The following SEL1L variants were observed in gnomAD, a reference collection of about 807,000 sequenced individuals.
SEL1L encodes SEL1L adaptor subunit of SYVN1 ubiquitin ligase.
In SEL1L, 52 loss-of-function variants were observed where a neutral mutation model predicts 109.8. The observed-to-expected ratio is 0.47, with a 90% confidence interval of 0.38 to 0.60. The LOEUF (loss-of-function observed/expected upper bound fraction) is 0.60. Among genes scored for constraint, SEL1L ranks in the 20% least tolerant of loss-of-function variants. The pLI is 0.00. For synonymous variants in SEL1L, 373 were observed against 339.6 expected (o/e 1.10, Z -1.08); for missense variants, 749 against 962.2 (o/e 0.78, Z 2.93).
At chr14:81,527,553 A>G in intron 2 of SEL1L, 148 bp downstream of exon 2, 1 of 525,704 alleles carries the variant, frequency 1.9e-6, no homozygotes, top group Non-Finnish European at 3.3e-6. Context: ...GAAAAACTAG[A>G]ACTAATACTA....
chr14:81,493,848 AG>A (rs1389883829), intron 11 of SEL1L, among the ~76,000 whole-genome samples: 1 of 152,212 alleles, frequency 6.6e-6, no homozygotes, highest in Non-Finnish European at 1.5e-5. Context: ...ACAGACTCTT[AG>A]CTTGGCTAAC....
At chr14:81,503,464 C>G (rs935339545) in intron 5 of SEL1L, among the ~76,000 whole-genome samples, 1 of 152,052 alleles carries the variant, frequency 6.6e-6, no homozygotes, top group Non-Finnish European at 1.5e-5. Flanking sequence ...CTCAGCCTCC[C>G]AAGTAGCAGG....
At chr14:81,495,561 T>G (rs1883712464) in intron 10 of SEL1L, among the ~76,000 whole-genome samples, 2 of 151,972 alleles carry the variant, frequency 1.3e-5, no homozygotes, top group African/African-American at 4.8e-5. Flanking sequence ...CACCTGAGCC[T>G]GGAGAGGTCG....
intron 6 of SEL1L, 85 bp from the exon 7 acceptor site, chr14:81,499,747 A>G: frequency 4.0e-6 from 4 of 1,010,332 alleles, no homozygotes; most frequent in Non-Finnish European, 5.8e-6. Flanking sequence ...TTTATATACT[A>G]TGAAAAAATG....
At chr14:81,480,181 G>T (rs1261890878) in intron 19 of SEL1L, among the ~76,000 whole-genome samples, 1 of 152,020 alleles carries the variant, frequency 6.6e-6, no homozygotes, top group East Asian at 1.9e-4. Context: ...GACAGGCACG[G>T]TGGCTCATTC....
intron 10 of SEL1L, 74 bp from the exon 11 acceptor site, chr14:81,495,211 A>G: frequency 7.4e-7 from 1 of 1,350,846 alleles, no homozygotes; most frequent in South Asian, 1.2e-5. Context: ...CCAACAAGAA[A>G]TGATTTGGTC....
At chr14:81,502,291 T>C (rs1300380180) in intron 6 of SEL1L, among the ~76,000 whole-genome samples, 3 of 152,180 alleles carry the variant, frequency 2.0e-5, no homozygotes, top group Non-Finnish European at 4.4e-5. Flanking sequence ...TGATGTGTAC[T>C]TCTTAGTTTT....
At position 81,495,247 on chromosome 14, in the gene SEL1L, A is replaced by G; in HGVS notation, c.1129-110T>C. 5 of 895,858 alleles carry G rather than the reference A, an allele frequency of 5.6e-6. No homozygotes were observed. In the Admixed American group the frequency reaches 7.2e-5, roughly 13 times the overall value. 55.5% of individuals were successfully genotyped at this position (895,858 alleles called of 1,614,324 possible). A position where few individuals can be genotyped will look rare whatever the true frequency, so the allele number is the denominator to read the frequency against. On this transcript the variant is annotated intron_variant, in intron 10 of 20. Transcript: ENST00000336735. ...GTAAAATGGCTTCTGTTCATGACTC[A>G]AAAAACAAAAAGATTTAGTCTTAAC...
intron 3 of SEL1L, among the ~76,000 whole-genome samples, chr14:81,523,080 T>C (rs530358389): frequency 1.3e-5 from 2 of 152,244 alleles, no homozygotes; most frequent in East Asian, 3.9e-4. Context: ...GCTCTTAAAA[T>C]CCCTGAAATC....
chr14:81,515,533 T>C (rs1884666287), intron 3 of SEL1L, among the ~76,000 whole-genome samples: 1 of 152,224 alleles, frequency 6.6e-6, no homozygotes, highest in South Asian at 2.1e-4. Flanking sequence ...CACTGGGATC[T>C]AGACTCAGAT....
chr14:81,482,433 C>T (rs1903388184), intron 19 of SEL1L, among the ~76,000 whole-genome samples: 1 of 152,092 alleles, frequency 6.6e-6, no homozygotes, highest in African/African-American at 2.4e-5. Context: ...AATCCCAGCA[C>T]TTTTGGAGGC....
chr14:81,490,129 T>C (rs1350426443), intron 13 of SEL1L, among the ~76,000 whole-genome samples: 2 of 152,242 alleles, frequency 1.3e-5, no homozygotes, highest in South Asian at 2.1e-4. Context: ...GTTCCATTAC[T>C]AAAAATCAGT....
intron 3 of SEL1L, among the ~76,000 whole-genome samples, chr14:81,526,518 A>G (rs1236078988): frequency 6.6e-6 from 1 of 152,222 alleles, no homozygotes; most frequent in Non-Finnish European, 1.5e-5. Flanking sequence ...ATGCAATCTC[A>G]TCTATTGAAT....
intron 10 of SEL1L, among the ~76,000 whole-genome samples, chr14:81,496,367 T>C (rs991026113): frequency 1.3e-5 from 2 of 151,744 alleles, no homozygotes; most frequent in African/African-American, 4.8e-5. Context: ...TTGTCCCCAG[T>C]GAACCTGCTC....
Position 81,475,309 on chromosome 14 carries a change from T to A in SEL1L, c.*1663A>T, listed in dbSNP as rs1274675724. 1.3e-5 allele frequency: 2 copies of A among 152,586 alleles called. No individual in the cohort carries two copies. The highest frequency in any genetic ancestry group is 2.9e-5 in the Non-Finnish European group (2 of 68,020). The allele number at this position is 152,586 out of a possible 1,614,324, so 9.5% of individuals were successfully genotyped here. On this transcript the variant is annotated 3_prime_UTR_variant, in exon 21 of 21. Transcript: ENST00000336735. Reference sequence around the variant, plus strand: ...TCTCTTGGTGACTAACTCTTCGAATTTGGAAGCAATTATCTGGGAGGAAAG... The same window carrying A: ...TCTCTTGGTGACTAACTCTTCGAATATGGAAGCAATTATCTGGGAGGAAAG...
chr14:81,526,631 A>G (rs574417160), intron 3 of SEL1L, 102 bp downstream of exon 3: 1 of 832,986 alleles, frequency 1.2e-6, no homozygotes, highest in East Asian at 2.4e-5. Flanking sequence ...TTTGTGGGTA[A>G]TAATCAGTGA....
chr14:81,521,702 A>T (rs760762875), intron 3 of SEL1L, among the ~76,000 whole-genome samples: 4 of 152,260 alleles, frequency 2.6e-5, no homozygotes, highest in Non-Finnish European at 5.9e-5. Context: ...CGTACGGTAC[A>T]TAACACTTGA....
intron 3 of SEL1L, among the ~76,000 whole-genome samples, chr14:81,511,297 A>G (rs1884467363): frequency 6.6e-6 from 1 of 152,246 alleles, no homozygotes; most frequent in East Asian, 1.9e-4. Flanking sequence ...GCAACTAATC[A>G]TTTTAAAATA....
intron 4 of SEL1L, among the ~76,000 whole-genome samples, chr14:81,505,514 A>T (rs1239321565): frequency 6.6e-6 from 1 of 152,006 alleles, no homozygotes; most frequent in East Asian, 1.9e-4. Flanking sequence ...AACAGCCATT[A>T]TTTTTTTAAA....
Sources: allele counts gnomAD v4.1 joint callset (sites outside exome capture counted in the v4.1 genomes callset), GRCh38; gene constraint gnomAD v4.1.1; transcripts MANE v1.5; gene names NCBI Gene and HGNC (gene_info 2026-07-23, HGNC 2026-07-21).